The following LPP variants were observed in gnomAD, a reference collection of about 807,000 sequenced individuals.
The protein encoded by LPP is LIM domain containing preferred translocation partner in lipoma, also known as lipoma-preferred partner.
In LPP, 38 loss-of-function variants were observed where a neutral mutation model predicts 60.4. The observed-to-expected ratio is 0.63, with a 90% CI of 0.49 to 0.83. LPP has a LOEUF of 0.83. Ranked by LOEUF, LPP falls within the 40% of genes least tolerant of loss-of-function variation. The probability of loss-of-function intolerance (pLI) is 0.00; values close to 1 mark genes in which losing one functional copy is unlikely to be tolerated. For synonymous variants in LPP, 328 were observed against 290.8 expected (o/e 1.13, Z -1.30); for missense variants, 902 against 783.6 (o/e 1.15, Z -1.80).
At chr3:188,395,256 T>C (rs1780640301) in intron 3 of LPP, among the ~76,000 whole-genome samples, 1 of 152,156 alleles carries the variant, frequency 6.6e-6, no homozygotes, top group Admixed American at 6.6e-5. Context: ...TCTCATTCTA[T>C]TGCCCAGGCT....
In LPP at chr3:188,252,071, TATATAC is replaced by T. The variant is rs1553836888; in HGVS notation, c.-67+26546_-67+26551del. 5.4e-3 allele frequency among the ~76,000 whole-genome samples: 509 copies of T among 93,700 alleles called. 1 individual carries two copies. Among genetic ancestry groups the T allele is most frequent in the Non-Finnish European group, 6.4e-3 (324 of 50,580 alleles). 61.5% of individuals were successfully genotyped at this position (93,700 alleles called of 152,430 possible). On this transcript the variant is annotated intron_variant, in intron 2 of 11. Coordinates refer to ENST00000617246, the MANE Select transcript of LPP (RefSeq NM_001375462.1). The stretch of plus-strand genomic sequence containing the variant: ...ATATATATATATATATATATATATA[TATATAC>T]ACACACACACACACATATATCAGAT...
chr3:188,418,346 A>G (rs1346103919), intron 4 of LPP, among the ~76,000 whole-genome samples: 1 of 152,190 alleles, frequency 6.6e-6, no homozygotes, highest in Non-Finnish European at 1.5e-5. Context: ...AAAATATTGT[A>G]GTGGATTTAT....
intron 9 of LPP, among the ~76,000 whole-genome samples, chr3:188,844,239 T>C (rs939851965): frequency 3.9e-5 from 6 of 152,224 alleles, no homozygotes; most frequent in South Asian, 2.1e-4. Context: ...TTGTATAATC[T>C]AAGTTTAGGC....
rs116405921 is a variant in LPP, at chr3:188,693,535, G to A, written c.1114-14732G>A. On this transcript the variant is annotated intron_variant, in intron 7 of 11. Coordinates refer to ENST00000617246, the MANE Select transcript of LPP (RefSeq NM_001375462.1). ...GCAAGATAGAGGCCAGCTTGATGAG[G>A]GCTTTGAACTCAGCCCTATCAACAA... Among the ~76,000 whole-genome samples the A allele has an allele frequency of 8.7e-3, 1,320 of 152,170 alleles. 18 individuals are homozygous for A. Among genetic ancestry groups the A allele is most frequent in the African/African-American group, 0.03 (1,257 of 41,502 alleles).
chr3:188,818,970 A>T (rs1236361451), intron 9 of LPP, among the ~76,000 whole-genome samples: 1 of 151,350 alleles, frequency 6.6e-6, no homozygotes, highest in African/African-American at 2.4e-5. Context: ...AATTCAGTTG[A>T]TGATAATTGA....
At chr3:188,727,727 G>A (rs1201189318) in intron 8 of LPP, among the ~76,000 whole-genome samples, 1 of 152,078 alleles carries the variant, frequency 6.6e-6, no homozygotes, top group Non-Finnish European at 1.5e-5. Flanking sequence ...CACATAGCTG[G>A]TCTTACTTAA....
rs1409049676 is a variant in LPP at position 188,163,773 on chromosome 3, C to T, written c.-190+9521C>T. Among the ~76,000 whole-genome samples, 3 of 119,502 alleles carry T rather than the reference C, an allele frequency of 2.5e-5. No homozygotes were observed. In the Admixed American group the frequency reaches 2.8e-4, roughly 11 times the overall value. 78.4% of individuals were successfully genotyped at this position (119,502 alleles called of 152,430 possible). A position where few individuals can be genotyped will look rare whatever the true frequency, so the allele number is the denominator to read the frequency against. On this transcript the variant is annotated intron_variant, in intron 1 of 11. Transcript: ENST00000617246. ...CCTGGTCAACATGATTTAACCTCGT[C>T]TCTACTAAATATACAAAAAAAAAAA...
chr3:188,645,206 C>A (rs2148873990), intron 7 of LPP, among the ~76,000 whole-genome samples: 1 of 151,520 alleles, frequency 6.6e-6, no homozygotes, highest in Admixed American at 6.6e-5. Context: ...AAAGCTCTTT[C>A]CCATTATTTC....
At chr3:188,228,053 C>T (rs373918930) in intron 2 of LPP, among the ~76,000 whole-genome samples, 2 of 152,170 alleles carry the variant, frequency 1.3e-5, no homozygotes, top group East Asian at 1.9e-4. Context: ...CCTCTTTAGC[C>T]CCCCTGTCAG....
intron 7 of LPP, among the ~76,000 whole-genome samples, chr3:188,679,969 T>G (rs1355449872): frequency 6.6e-6 from 1 of 152,194 alleles, no homozygotes; most frequent in African/African-American, 2.4e-5. Flanking sequence ...GTTCATTGGT[T>G]TTAATCTCCT....
chr3:188,383,619 G>T (rs1234376792), intron 3 of LPP, among the ~76,000 whole-genome samples: 1 of 152,068 alleles, frequency 6.6e-6, no homozygotes, highest in East Asian at 1.9e-4. Flanking sequence ...GAAGACCACT[G>T]TTCAGAACCT....
chr3:188,292,315 A>G (rs192782435), intron 2 of LPP, among the ~76,000 whole-genome samples: 12 of 152,372 alleles, frequency 7.9e-5, no homozygotes, highest in Non-Finnish European at 1.3e-4. Context: ...TTTAAGTGAA[A>G]TAAGTTCTCA....
At chr3:188,517,466 C>A (rs2150102406) in intron 5 of LPP, among the ~76,000 whole-genome samples, 1 of 152,282 alleles carries the variant, frequency 6.6e-6, no homozygotes, top group Middle Eastern at 3.4e-3. Flanking sequence ...GAAATTTAAT[C>A]CCCAATATTT....
At chr3:188,372,461 G>A (rs142247391) in intron 3 of LPP, among the ~76,000 whole-genome samples, 1 of 152,152 alleles carries the variant, frequency 6.6e-6, no homozygotes, top group Non-Finnish European at 1.5e-5. Context: ...AAAGCGTTGA[G>A]CTTCCTACTG....
chr3:188,613,279 T>TCTATAC (rs1560643617), intron 7 of LPP, among the ~76,000 whole-genome samples: 1 of 140,420 alleles, frequency 7.1e-6, no homozygotes, highest in Non-Finnish European at 1.6e-5. Flanking sequence ...TATATCTATA[T>TCTATAC]CTATATCTAT....
chr3:188,811,611 T>A (rs1276396093), intron 9 of LPP, among the ~76,000 whole-genome samples: 1 of 152,044 alleles, frequency 6.6e-6, no homozygotes, highest in Non-Finnish European at 1.5e-5. Context: ...AGAAATAATC[T>A]TAGAACCATT....
At chr3:188,653,633 T>G (rs976513340) in intron 7 of LPP, among the ~76,000 whole-genome samples, 3 of 152,180 alleles carry the variant, frequency 2.0e-5, no homozygotes, top group African/African-American at 7.2e-5. Flanking sequence ...TGCACTGTCT[T>G]TTTGAGCTTG....
At position 188,307,361 on chromosome 3, in the gene LPP, G is replaced by T. The variant is rs555533530; in HGVS notation, c.-66-34302G>T. On this transcript the variant is annotated intron_variant, in intron 2 of 11. Coordinates refer to ENST00000617246, the MANE Select transcript of LPP (RefSeq NM_001375462.1). ...AGTGTTGTCCAAAGTCCACCCCCAA[G>T]CTCATTAAATCAGAATATCTGTGGG... Among the ~76,000 whole-genome samples, 998 of 152,260 alleles carry T rather than the reference G, an allele frequency of 6.6e-3. 2 individuals carry two copies. Among genetic ancestry groups the T allele is most frequent in the Non-Finnish European group, 0.011 (763 of 68,016 alleles).
In LPP at chr3:188,879,070, A is replaced by G; in HGVS notation, c.*4591A>G. 4.4e-6 allele frequency: 1 copy of G among 228,104 alleles called. No individual in the cohort carries two copies. 14.1% of individuals were successfully genotyped at this position (228,104 alleles called of 1,614,324 possible). A position where few individuals can be genotyped will look rare whatever the true frequency, so the allele number is the denominator to read the frequency against. On this transcript the variant is annotated 3_prime_UTR_variant, in exon 12 of 12. Coordinates refer to ENST00000617246, the MANE Select transcript of LPP (RefSeq NM_001375462.1). ...CCAGACAAGTTCAAAACTTGTTCTC[A>G]GTGAGGCATTAATATGGTGCAACCA...
Sources: gnomAD v4.1 joint callset for allele counts (sites outside exome capture counted in the v4.1 genomes callset) on GRCh38, gnomAD v4.1.1 for gene constraint, MANE v1.5 for transcripts, NCBI Gene and HGNC (gene_info 2026-07-23, HGNC 2026-07-21) for gene names.